ATG3: variants seen among roughly 807,000 people sequenced by gnomAD.
ATG3 encodes the protein ubiquitin-like-conjugating enzyme ATG3.
Under a neutral mutation model 50.7 loss-of-function variants are expected in ATG3, and 25 were observed. The observed-to-expected ratio is 0.49, with a 90% CI of 0.36 to 0.69. The LOEUF is 0.69. Ranked by LOEUF, ATG3 falls within the 30% of genes least tolerant of loss-of-function variation. The pLI, the probability that ATG3 is intolerant of heterozygous loss-of-function variation, is 0.00. For missense variants in ATG3, 281 were observed against 376.0 expected (o/e 0.75, Z 2.09); for synonymous variants, 119 against 125.5 (o/e 0.95, Z 0.34).
At chr3:112,552,648 A>AT (rs1559847786) in intron 3 of ATG3, among the ~76,000 whole-genome samples, 77 of 149,974 alleles carry the variant, frequency 5.1e-4, no homozygotes, top group Middle Eastern at 3.4e-3. Flanking sequence ...CCTGTTCAAA[A>AT]ATTTTTTTTT....
chr3:112,560,138 T>C (rs1196708946), intron 1 of ATG3, among the ~76,000 whole-genome samples: 3 of 152,242 alleles, frequency 2.0e-5, no homozygotes. Flanking sequence ...ATTTTATATT[T>C]CATTTGGGCA....
intron 10 of ATG3, chr3:112,535,413 G>C (rs1933004151): frequency 6.6e-6 from 1 of 152,058 alleles, no homozygotes; most frequent in Non-Finnish European, 1.5e-5. Flanking sequence ...ATAATTACCA[G>C]TTATTTTTCC....
At position 112,544,085 on chromosome 3, in the gene ATG3, G is replaced by A. The variant is rs1262684864; in HGVS notation, c.365C>T (p.Ala122Val). 6.2e-7 allele frequency: 1 copy of A among 1,603,118 alleles called. No individual in the cohort carries two copies. The highest frequency in any genetic ancestry group is 8.5e-7 in the Non-Finnish European group (1 of 1,170,964). Reference sequence around the variant, plus strand: ...ATTTTCCAGTGTGATCTCTTTAACGGCTTCCGTTATTCCTGTAATACCTAT... The same window carrying A: ...ATTTTCCAGTGTGATCTCTTTAACGACTTCCGTTATTCCTGTAATACCTAT... ...HNTGITGITEAVKEITLENKD... is the reference protein window; with the variant it reads ...HNTGITGITEVVKEITLENKD... Residue 122 changes from alanine to valine, a missense_variant, in exon 6 of 12, where the codon GCC (alanine) becomes GTC (valine). Physicochemically the swap from Ala to Val is moderately conservative, Grantham distance 64 (BLOSUM62 0). Transcript: ENST00000283290.
Position 112,532,538 on chromosome 3 carries a change from G to A in ATG3, c.*161C>T, listed in dbSNP as rs976089404. 2 of 437,330 alleles carry A rather than the reference G, an allele frequency of 4.6e-6. No homozygotes were observed. The allele number at this position is 437,330 out of a possible 1,614,324, so 27.1% of individuals were successfully genotyped here. On this transcript the variant is annotated 3_prime_UTR_variant, in exon 12 of 12. Coordinates refer to ENST00000283290, the MANE Select transcript of ATG3 (RefSeq NM_022488.5). ...CTTTGCACTGATTTTTATTAAACAA[G>A]TAAGGCTGGTAGTGGAACATATTTT...
chr3:112,540,502 A>C (rs1279724047), intron 7 of ATG3, among the ~76,000 whole-genome samples: 1 of 152,132 alleles, frequency 6.6e-6, no homozygotes, highest in Non-Finnish European at 1.5e-5. Context: ...AAATATATTC[A>C]TATTTCAACT....
intron 3 of ATG3, among the ~76,000 whole-genome samples, chr3:112,552,781 G>A (rs545970331): frequency 1.8e-4 from 28 of 151,788 alleles, no homozygotes; most frequent in African/African-American, 6.8e-4. Context: ...CTCCCAAGTA[G>A]CTGGGACCAC....
intron 1 of ATG3, among the ~76,000 whole-genome samples, chr3:112,561,037 G>A (rs1576733720): frequency 1.3e-5 from 2 of 152,190 alleles, no homozygotes; most frequent in South Asian, 4.1e-4. Context: ...TAAAGGAAAA[G>A]TGACCTCACC....
chr3:112,556,413 C>T (rs1047914088), intron 2 of ATG3, among the ~76,000 whole-genome samples: 4 of 146,112 alleles, frequency 2.7e-5, no homozygotes, highest in Admixed American at 1.4e-4. Flanking sequence ...GGGGGGTCAG[C>T]CCCCCGCCCG....
At chr3:112,536,674 CACTGTGGGAGACT>C in intron 9 of ATG3, 72 bp from the exon 10 acceptor site, 2 of 1,537,278 alleles carry the variant, frequency 1.3e-6, no homozygotes. Flanking sequence ...GTAATCCCAG[CACTGTGGGAGACT>C]GAGGTGGGCG....
At chr3:112,539,282 C>G (rs1386730275) in intron 7 of ATG3, among the ~76,000 whole-genome samples, 1 of 152,132 alleles carries the variant, frequency 6.6e-6, no homozygotes, top group African/African-American at 2.4e-5. Flanking sequence ...TGAGTAATGT[C>G]AAGACCTTAT....
At chr3:112,556,930 T>C (rs565899707) in intron 2 of ATG3, among the ~76,000 whole-genome samples, 3 of 151,964 alleles carry the variant, frequency 2.0e-5, no homozygotes, top group Admixed American at 6.6e-5. Flanking sequence ...CCAGAGACCT[T>C]TGTTCACTTA....
At chr3:112,540,663 T>C (rs1438991508) in intron 7 of ATG3, among the ~76,000 whole-genome samples, 1 of 148,826 alleles carries the variant, frequency 6.7e-6, no homozygotes, top group Non-Finnish European at 1.5e-5. Context: ...AACAGTAACA[T>C]TTAATAGCTG....
rs1222018000 is a variant in ATG3 at position 112,536,497 on chromosome 3, T to C, written c.772A>G (p.Met258Val). 2.5e-6 allele frequency: 4 copies of C among 1,613,678 alleles called. No individual in the cohort carries two copies. Among genetic ancestry groups the C allele is most frequent in the South Asian group, 2.2e-5 (2 of 91,082 alleles). ...GACCTGCATGGGTGAACTGAACACA[T>C]GGGAGGTGGTGGCAGATGAGGGTGA... is the stretch of plus-strand genomic sequence containing the variant. ...ENHPHLPPPP[M>V]CSVHPCRHAE... The change falls in exon 10 of 12, where the codon ATG becomes GTG. Residue 258 changes from methionine (M) to valine (V), a missense_variant. Met to Val is a conservative substitution (Grantham distance 21, BLOSUM62 1). Transcript: ENST00000283290.
intron 10 of ATG3, 144 bp from the exon 11 acceptor site, chr3:112,534,481 C>A: frequency 2.3e-6 from 1 of 443,174 alleles, no homozygotes; most frequent in Non-Finnish European, 3.8e-6. Context: ...ATCTCCCCCA[C>A]CACTCCCCAA....
At chr3:112,534,179 C>CT in intron 11 of ATG3, 90 bp downstream of exon 11, 1 of 1,540,438 alleles carries the variant, frequency 6.5e-7, no homozygotes, top group Non-Finnish European at 8.7e-7. Flanking sequence ...CAAGTTATAG[C>CT]TACTGTATCA....
At chr3:112,532,891 A>G in intron 11 of ATG3, 111 bp from the exon 12 acceptor site, 1 of 1,327,908 alleles carries the variant, frequency 7.5e-7, no homozygotes. Flanking sequence ...AAACCCCACA[A>G]AATCTTAAAT....
intron 8 of ATG3, 51 bp from the exon 9 acceptor site, chr3:112,537,941 T>C (rs1933117902): frequency 6.7e-7 from 1 of 1,494,380 alleles, no homozygotes; most frequent in East Asian, 2.3e-5. Flanking sequence ...GGTATGAATG[T>C]GACATTCTAG....
rs969045072 is a variant in ATG3 at position 112,550,066 on chromosome 3, C to CA, written c.235+125dup. 1.5e-5 allele frequency: 9 copies of CA among 616,528 alleles called. No homozygotes were observed. The African/African-American group carries it at 1.7e-4, about 12-fold the overall frequency. 38.2% of individuals were successfully genotyped at this position (616,528 alleles called of 1,614,324 possible). On this transcript the variant is annotated intron_variant, in intron 4 of 11. Coordinates refer to ENST00000283290, the MANE Select transcript of ATG3 (RefSeq NM_022488.5). The stretch of plus-strand genomic sequence containing the variant: ...TATCTTGACAACTATATGTTTTTGG[C>CA]AAAAAGAAATAACAGAAAGAGGTGA...
At chr3:112,552,024 T>C (rs900151915) in intron 3 of ATG3, among the ~76,000 whole-genome samples, 2 of 152,176 alleles carry the variant, frequency 1.3e-5, no homozygotes, top group Non-Finnish European at 1.5e-5. Context: ...CGGTAAGTAT[T>C]AAAATGCAGG....
Sources: gnomAD v4.1 joint callset for allele counts (sites outside exome capture counted in the v4.1 genomes callset) on GRCh38, gnomAD v4.1.1 for gene constraint, MANE v1.5 for transcripts, NCBI Gene and HGNC (gene_info 2026-07-23, HGNC 2026-07-21) for gene names.